Variants in VEGFC observed in about 807,000 individuals in gnomAD.
VEGFC encodes the protein FLT4 ligand DHM.
In VEGFC, 12 loss-of-function variants were observed where a neutral mutation model predicts 46.1. That is an observed-to-expected ratio of 0.26 (90% confidence interval 0.17 to 0.42). The LOEUF (loss-of-function observed/expected upper bound fraction) is 0.42, where lower values mean the gene tolerates loss of function less well. VEGFC is among the 10% of genes least tolerant of loss of function. The pLI, the probability that VEGFC is intolerant of heterozygous loss-of-function variation, is 1.00. For synonymous variants in VEGFC, 232 were observed against 195.5 expected (o/e 1.19, Z -1.56); for missense variants, 488 against 529.4 (o/e 0.92, Z 0.77).
At chr4:176,746,764 A>ATG in intron 1 of VEGFC, among the ~76,000 whole-genome samples, 1 of 152,242 alleles carries the variant, frequency 6.6e-6, no homozygotes, top group East Asian at 1.9e-4. Flanking sequence ...AATTCACAAT[A>ATG]GCACACAAAC....
At chr4:176,722,297 A>G (rs1464120635) in intron 3 of VEGFC, among the ~76,000 whole-genome samples, 1 of 152,130 alleles carries the variant, frequency 6.6e-6, no homozygotes, top group African/African-American at 2.4e-5. Context: ...AATTCTGCAA[A>G]GCTGGGAGGT....
At chr4:176,782,982 C>T (rs887425639) in intron 1 of VEGFC, among the ~76,000 whole-genome samples, 1 of 152,190 alleles carries the variant, frequency 6.6e-6, no homozygotes, top group Non-Finnish European at 1.5e-5. Context: ...ATTTTTCCTC[C>T]CTTTTTCCTG....
chr4:176,765,826 TAC>T (rs1453669280), intron 1 of VEGFC, among the ~76,000 whole-genome samples: 1 of 152,140 alleles, frequency 6.6e-6, no homozygotes, highest in African/African-American at 2.4e-5. Context: ...GTGCTGGGAT[TAC>T]AGGAGTGAGC....
chr4:176,780,349 TC>T (rs1453887013), intron 1 of VEGFC, among the ~76,000 whole-genome samples: 7 of 120,410 alleles, frequency 5.8e-5, no homozygotes, highest in Non-Finnish European at 1.1e-4. Flanking sequence ...CCCACTGCAC[TC>T]CAGCCTGGGC....
intron 1 of VEGFC, among the ~76,000 whole-genome samples, chr4:176,779,068 A>G (rs1735864153): frequency 6.6e-6 from 1 of 152,192 alleles, no homozygotes; most frequent in Admixed American, 6.5e-5. Flanking sequence ...TTATGAATAT[A>G]GTCTATGTAC....
At chr4:176,727,140 T>C (rs1734884628) in intron 3 of VEGFC, among the ~76,000 whole-genome samples, 1 of 152,202 alleles carries the variant, frequency 6.6e-6, no homozygotes, top group African/African-American at 2.4e-5. Flanking sequence ...CAAAGCGGGT[T>C]TATGTGTCTG....
chr4:176,692,395 AAAACAAAC>A lies in VEGFC; in HGVS notation c.705-4476_705-4469del, dbSNP rs751112336. On this transcript the variant is annotated intron_variant, in intron 4 of 6. Coordinates refer to ENST00000618562, the MANE Select transcript of VEGFC (RefSeq NM_005429.5). ...GGCGACAGAGCGAGACTCCGTCTCA[AAAACAAAC>A]AAACAAACAAACAAAAAAAAAACAA... 1.1e-4 allele frequency among the ~76,000 whole-genome samples: 15 copies of A among 133,018 alleles called. 2 individuals are homozygous for A. Among genetic ancestry groups the A allele is most frequent in the African/African-American group, 3.7e-5 (1 of 26,906 alleles). The allele number at this position is 133,018 out of a possible 152,430, so 87.3% of individuals were successfully genotyped here.
chr4:176,698,122 CTT>C (rs1472185281), intron 4 of VEGFC, among the ~76,000 whole-genome samples: 3 of 151,190 alleles, frequency 2.0e-5, no homozygotes, highest in Admixed American at 2.0e-4. Flanking sequence ...TACCCTAAAA[CTT>C]AAAGTATAAT....
At chr4:176,745,291 T>C (rs1468161739) in intron 1 of VEGFC, among the ~76,000 whole-genome samples, 1 of 152,126 alleles carries the variant, frequency 6.6e-6, no homozygotes, top group East Asian at 1.9e-4. Context: ...TGTAATTTCT[T>C]TTTTGTTAAA....
At chr4:176,708,895 C>T (rs1435332226) in intron 4 of VEGFC, among the ~76,000 whole-genome samples, 3 of 152,174 alleles carry the variant, frequency 2.0e-5, no homozygotes, top group African/African-American at 7.2e-5. Flanking sequence ...GCATTCAGTA[C>T]TTCATTCAAT....
chr4:176,790,857 G>A lies in VEGFC; in HGVS notation c.147+1308C>T, dbSNP rs144033472. ...AAGATATTTTCATCACTATAGTTACGGCAATGTAAGTATAGGCACTGAAAA... is the reference window on the plus strand; with the variant it reads ...AAGATATTTTCATCACTATAGTTACAGCAATGTAAGTATAGGCACTGAAAA... On this transcript the variant is annotated intron_variant, in intron 1 of 6. Coordinates refer to ENST00000618562, the MANE Select transcript of VEGFC (RefSeq NM_005429.5). Among the ~76,000 whole-genome samples, 61 of 152,204 alleles carry A rather than the reference G, an allele frequency of 4.0e-4. 1 individual carries two copies. The East Asian group carries it at 0.01, about 25-fold the overall frequency.
chr4:176,788,405 G>A (rs543346477), intron 1 of VEGFC, among the ~76,000 whole-genome samples: 4 of 152,308 alleles, frequency 2.6e-5, no homozygotes, highest in African/African-American at 7.2e-5. Flanking sequence ...CTTCCTGCAC[G>A]CTGCTATAGT....
At chr4:176,736,114 T>A (rs2111025322) in intron 1 of VEGFC, among the ~76,000 whole-genome samples, 1 of 151,890 alleles carries the variant, frequency 6.6e-6, no homozygotes, top group Middle Eastern at 3.4e-3. Context: ...TACTTCTCAA[T>A]TAGGAGAAAA....
intron 4 of VEGFC, among the ~76,000 whole-genome samples, chr4:176,700,985 T>C (rs926846202): frequency 1.3e-5 from 2 of 152,174 alleles, no homozygotes; most frequent in Non-Finnish European, 2.9e-5. Context: ...CGGAGACTTT[T>C]AGGGCAGTAA....
chr4:176,791,096 A>G (rs146500471), intron 1 of VEGFC, among the ~76,000 whole-genome samples: 44 of 152,348 alleles, frequency 2.9e-4, no homozygotes, highest in African/African-American at 9.4e-4. Context: ...AAAATATTTC[A>G]AAATATAAGG....
At chr4:176,719,789 G>A (rs185373973) in intron 3 of VEGFC, among the ~76,000 whole-genome samples, 76 of 152,202 alleles carry the variant, frequency 5.0e-4, no homozygotes, top group Admixed American at 1.3e-4. Context: ...TGCCGGGTGC[G>A]GTGGCTCATG....
intron 4 of VEGFC, among the ~76,000 whole-genome samples, chr4:176,697,901 C>G (rs1305301080): frequency 6.7e-6 from 1 of 149,496 alleles, no homozygotes; most frequent in Non-Finnish European, 1.5e-5. Context: ...AACCAAACAC[C>G]GCATATTCTC....
At chr4:176,790,435 T>A (rs1736070849) in intron 1 of VEGFC, among the ~76,000 whole-genome samples, 1 of 152,100 alleles carries the variant, frequency 6.6e-6, no homozygotes, top group African/African-American at 2.4e-5. Context: ...ATATCACCAA[T>A]GGCAAATTTT....
chr4:176,755,991 A>G (rs947806226), intron 1 of VEGFC, among the ~76,000 whole-genome samples: 2 of 152,020 alleles, frequency 1.3e-5, no homozygotes, highest in Non-Finnish European at 2.9e-5. Flanking sequence ...AGTTAAGAGA[A>G]TAATTTGGTA....
Sources: allele counts gnomAD v4.1 joint callset (sites outside exome capture counted in the v4.1 genomes callset), GRCh38; gene constraint gnomAD v4.1.1; transcripts MANE v1.5; gene names NCBI Gene and HGNC (gene_info 2026-07-23, HGNC 2026-07-21).